The following USP49 variants were observed in gnomAD, a reference collection of about 807,000 sequenced individuals.
USP49 encodes the protein ubiquitin specific peptidase 49, also known as ubiquitin carboxyl-terminal hydrolase 49.
USP49 carries 24 observed loss-of-function variants against 58.6 expected under a neutral mutation model. The observed-to-expected ratio is 0.41, with a 90% CI of 0.30 to 0.58. The LOEUF is 0.58. Among genes scored for constraint, USP49 ranks in the 20% least tolerant of loss-of-function variants. USP49 has a pLI of 0.30. For synonymous variants in USP49, 408 were observed against 365.1 expected (o/e 1.12, Z -1.34); for missense variants, 703 against 866.1 (o/e 0.81, Z 2.36).
rs148731673 is a variant in USP49, at chr6:41,876,555, A to G, written c.-102-4918T>C. 2.3e-3 allele frequency among the ~76,000 whole-genome samples: 343 copies of G among 152,252 alleles called. 5 individuals carry two copies. The highest frequency in any genetic ancestry group is 7.7e-3 in the African/African-American group (319 of 41,556). On this transcript the variant is annotated intron_variant, in intron 2 of 7. Coordinates refer to ENST00000682992, the MANE Select transcript of USP49 (RefSeq NM_001286554.2). ...CAGCCTTCCAAGTAGCTGGGACTAC[A>G]GGTGCGTGCCACCACACCTGATTAA...
chr6:41,874,994 A>AAG (rs921762697), intron 2 of USP49, among the ~76,000 whole-genome samples: 3 of 151,714 alleles, frequency 2.0e-5, no homozygotes, highest in Non-Finnish European at 4.4e-5. Flanking sequence ...GAAAGAAAGA[A>AAG]AGAGAGAGAG....
intron 3 of USP49, among the ~76,000 whole-genome samples, chr6:41,808,719 C>T (rs997470860): frequency 6.6e-6 from 1 of 151,602 alleles, no homozygotes; most frequent in Non-Finnish European, 1.5e-5. Flanking sequence ...TGCTATACAA[C>T]TATTTTAAAA....
chr6:41,866,243 C>T (rs1372306499), intron 3 of USP49, among the ~76,000 whole-genome samples: 3 of 151,826 alleles, frequency 2.0e-5, no homozygotes, highest in Non-Finnish European at 1.5e-5. Context: ...TTTTAATAAT[C>T]GAAATTGGCA....
rs1772839050 is a variant in USP49, at chr6:41,793,728, G to C, written c.*2805C>G. Reference sequence around the variant, plus strand: ...ACTAGCATGGATGTTCGTCTCAGAGGCAACCACAGATATGAGGGTCAGGCT... The same window carrying C: ...ACTAGCATGGATGTTCGTCTCAGAGCCAACCACAGATATGAGGGTCAGGCT... On this transcript the variant is annotated 3_prime_UTR_variant, in exon 8 of 8. Transcript: ENST00000682992. 1 of 152,138 alleles carries C rather than the reference G, an allele frequency of 6.6e-6. No homozygotes were observed. The highest frequency in any genetic ancestry group is 2.4e-5 in the African/African-American group (1 of 41,408). 9.4% of individuals were successfully genotyped at this position (152,138 alleles called of 1,614,324 possible). A position where few individuals can be genotyped will look rare whatever the true frequency, so the allele number is the denominator to read the frequency against.
In USP49 at chr6:41,829,620, T is replaced by C. The variant is rs561519602; in HGVS notation, c.-28-22609A>G. Among the ~76,000 whole-genome samples the C allele has an allele frequency of 3.0e-4, 45 of 152,314 alleles. No individual in the cohort carries two copies. In the South Asian group the frequency reaches 9.1e-3, roughly 31 times the overall value. ...GAGCCACCGCGCCTGGCGGATTCTC[T>C]TGAATTTTCTATGGATGTCTACATA... is the stretch of plus-strand genomic sequence containing the variant. On this transcript the variant is annotated intron_variant, in intron 3 of 7. Coordinates refer to ENST00000682992, the MANE Select transcript of USP49 (RefSeq NM_001286554.2).
chr6:41,832,114 T>G (rs1773645216), intron 3 of USP49, among the ~76,000 whole-genome samples: 1 of 151,572 alleles, frequency 6.6e-6, no homozygotes. Flanking sequence ...AAGTCTGTAC[T>G]GTTTTTTTTT....
chr6:41,829,345 G>A (rs184489014), intron 3 of USP49, among the ~76,000 whole-genome samples: 43 of 150,056 alleles, frequency 2.9e-4, no homozygotes, highest in South Asian at 4.2e-4. Context: ...ATGGTGTTTC[G>A]CGCTTGTTGC....
rs777436996 is a variant in USP49, at chr6:41,805,979, C to T, written c.1005G>A (p.Arg335=). Reference sequence around the variant, plus strand: ...GCTCCAGACTCCGACTAATGGAGGCCCTGCCGTTCCAGCAGAAGCCCTCCC... The same window carrying T: ...GCTCCAGACTCCGACTAATGGAGGCTCTGCCGTTCCAGCAGAAGCCCTCCC... ...CEREGFCWNG[R]ASISRSLELI... The change falls in exon 4 of 8, where the codon AGG becomes AGA. Residue 335 remains arginine, a synonymous_variant. Coordinates refer to ENST00000682992, the MANE Select transcript of USP49 (RefSeq NM_001286554.2). 6 of 1,613,950 alleles carry T rather than the reference C, an allele frequency of 3.7e-6. No homozygotes were observed. Among genetic ancestry groups the T allele is most frequent in the Non-Finnish European group, 5.1e-6 (6 of 1,180,036 alleles).
chr6:41,887,073 C>T (rs562118665), intron 2 of USP49, among the ~76,000 whole-genome samples: 19 of 152,364 alleles, frequency 1.2e-4, no homozygotes, highest in African/African-American at 4.3e-4. Context: ...TCCTACACAT[C>T]TTCTTTCCCA....
intron 1 of USP49, among the ~76,000 whole-genome samples, chr6:41,894,967 G>A (rs2127368791): frequency 6.6e-6 from 1 of 150,698 alleles, no homozygotes; most frequent in South Asian, 2.1e-4. Flanking sequence ...CAACCCAGCC[G>A]TCGCCCACCC....
At chr6:41,818,666 A>C (rs1390130539) in intron 3 of USP49, among the ~76,000 whole-genome samples, 2 of 152,144 alleles carry the variant, frequency 1.3e-5, no homozygotes, top group East Asian at 3.8e-4. Context: ...CTCTGTCCGC[A>C]CCTTGGTCAG....
At position 41,830,536 on chromosome 6, in the gene USP49, A is replaced by G. The variant is rs375561164; in HGVS notation, c.-28-23525T>C. Among the ~76,000 whole-genome samples, 280 of 152,344 alleles carry G rather than the reference A, an allele frequency of 1.8e-3. 8 individuals carry two copies. The South Asian group carries it at 0.054, about 29-fold the overall frequency. ...ACAGATTTGCAACCAATTCAAATTTAGGAAAGCAGGCCAGGCGTGGTGGCT... is the reference window on the plus strand; with the variant it reads ...ACAGATTTGCAACCAATTCAAATTTGGGAAAGCAGGCCAGGCGTGGTGGCT... On this transcript the variant is annotated intron_variant, in intron 3 of 7. Transcript: ENST00000682992.
intron 2 of USP49, among the ~76,000 whole-genome samples, chr6:41,876,908 G>A (rs1454122311): frequency 1.3e-5 from 2 of 152,180 alleles, no homozygotes; most frequent in Non-Finnish European, 2.9e-5. Flanking sequence ...AGGATAGCGG[G>A]AAGAGAACTA....
At position 41,806,347 on chromosome 6, in the gene USP49, G is replaced by A. The variant is rs1483751745; in HGVS notation, c.637C>T (p.Leu213=). Residue 213 remains leucine, a synonymous_variant, in exon 4 of 8, where the codon CTG becomes TTG. Transcript: ENST00000682992. This position sits in a 1 kb window ranked among gnomAD's most constrained non-coding sequence, Gnocchi z 5.9. ...GGGCCCGCGTCGCGGGGCGTGTGCA[G>A]GAGCAGCCGTGCACTCTTGCGCGGA... The part of the protein sequence containing the change: ...TPPRKSARLL[L]HTPRDAGPAA... 3 of 1,530,050 alleles carry A rather than the reference G, an allele frequency of 2.0e-6. No individual in the cohort carries two copies. Among genetic ancestry groups the A allele is most frequent in the South Asian group, 1.3e-5 (1 of 79,040 alleles). 94.8% of individuals were successfully genotyped at this position (1,530,050 alleles called of 1,614,324 possible).
At chr6:41,885,866 T>C (rs1433865369) in intron 2 of USP49, among the ~76,000 whole-genome samples, 1 of 152,208 alleles carries the variant, frequency 6.6e-6, no homozygotes, top group Non-Finnish European at 1.5e-5. Context: ...AACTACACAC[T>C]GGGCCCAATT....
At chr6:41,816,511 AAGGCT>A (rs1162660442) in intron 3 of USP49, among the ~76,000 whole-genome samples, 1 of 152,138 alleles carries the variant, frequency 6.6e-6, no homozygotes. Context: ...GGGTTTCCTT[AAGGCT>A]CCATCCTCAG....
intron 3 of USP49, among the ~76,000 whole-genome samples, chr6:41,859,477 G>A (rs572443792): frequency 1.2e-4 from 19 of 152,248 alleles, no homozygotes; most frequent in African/African-American, 4.6e-4. Flanking sequence ...TGCTCTCCGA[G>A]CACGTGTGTA....
At chr6:41,842,228 CTGGGTGTGG>C (rs1773839813) in intron 3 of USP49, among the ~76,000 whole-genome samples, 1 of 151,944 alleles carries the variant, frequency 6.6e-6, no homozygotes, top group South Asian at 2.1e-4. Flanking sequence ...ACATACTTAG[CTGGGTGTGG>C]TGGCTCACAC....
chr6:41,827,065 G>A (rs201374879), intron 3 of USP49, among the ~76,000 whole-genome samples: 6 of 152,122 alleles, frequency 3.9e-5, no homozygotes, highest in East Asian at 1.9e-4. Context: ...CACATACCTC[G>A]GCTACAGGGA....
Sources: gnomAD v4.1 joint callset for allele counts (sites outside exome capture counted in the v4.1 genomes callset) on GRCh38, gnomAD v4.1.1 for gene constraint, Gnocchi (gnomAD v3.1) non-coding constraint, MANE v1.5 for transcripts, NCBI Gene and HGNC (gene_info 2026-07-23, HGNC 2026-07-21) for gene names.